CFAP70: variants seen among roughly 807,000 people sequenced by gnomAD.
CFAP70 encodes the protein cilia and flagella associated protein 70.
A neutral mutation model predicts 137.6 loss-of-function variants in CFAP70; 81 were observed. The observed-to-expected ratio is 0.59, with a 90% CI of 0.49 to 0.71. The LOEUF (loss-of-function observed/expected upper bound fraction) is 0.71. Ranked by LOEUF, CFAP70 falls within the 30% of genes least tolerant of loss-of-function variation. The probability of loss-of-function intolerance (pLI) is 0.00; values close to 1 mark genes in which losing one functional copy is unlikely to be tolerated. For synonymous variants in CFAP70, 382 were observed against 423.6 expected, an observed-to-expected ratio of 0.90 and a Z score of 1.20; for missense variants, 976 against 1,226.7, an observed-to-expected ratio of 0.80 and a Z score of 3.05.
chr10:73,256,236 A>G, intron 26 of CFAP70, 133 bp downstream of exon 27: 1 of 980,876 alleles, frequency 1.0e-6, no homozygotes, highest in Non-Finnish European at 1.5e-6. Flanking sequence ...CCCCACGATA[A>G]TGGCAAAGAT....
At chr10:73,277,292 G>A (rs754396063) in exon 21 of CFAP70, 2 of 1,614,056 alleles carry the variant, frequency 1.2e-6, no homozygotes, top group Admixed American at 1.7e-5. Flanking sequence ...GAAGATGGTG[G>A]TAGTTTGAGA....
In CFAP70 at chr10:73,264,519, T is replaced by C. The variant is rs79851665; in HGVS notation, c.3027+5095A>G. Among the ~76,000 whole-genome samples, 17 of 152,358 alleles carry C rather than the reference T, an allele frequency of 1.1e-4. No individual in the cohort carries two copies. In the East Asian group the frequency reaches 1.9e-3, roughly 17 times the overall value. ...TCTATCCTTCTTGTTTCCACATTTG[T>C]AACTTCCTTTGAAGCACAGTGAAAA... On this transcript the variant is annotated intron_variant, in intron 25 of 26. Coordinates refer to ENST00000310715, the Ensembl canonical transcript of CFAP70.
chr10:73,333,895 C>T (rs1350847165), intron 7 of CFAP70, among the ~76,000 whole-genome samples: 2 of 152,032 alleles, frequency 1.3e-5, no homozygotes, highest in Admixed American at 6.6e-5. Context: ...ACTATTTGTT[C>T]AAGGTAATAA....
At chr10:73,321,359 A>G (rs1393599242) in intron 9 of CFAP70, among the ~76,000 whole-genome samples, 1 of 152,228 alleles carries the variant, frequency 6.6e-6, no homozygotes, top group Non-Finnish European at 1.5e-5. Flanking sequence ...AAGAGGTTGC[A>G]GTAAGCCGAG....
At chr10:73,282,826 CTTTTT>C (rs1203127459) in intron 19 of CFAP70, among the ~76,000 whole-genome samples, 1 of 90,928 alleles carries the variant, frequency 1.1e-5, no homozygotes, top group East Asian at 3.7e-4. Context: ...TTCCTGTTAT[CTTTTT>C]TTTTTTTTTT....
At chr10:73,348,608 T>C (rs945461033) in intron 3 of CFAP70, 87 bp from the exon 4 acceptor site, 21 of 865,044 alleles carry the variant, frequency 2.4e-5, no homozygotes, top group Non-Finnish European at 1.9e-5. Context: ...TTGTCAAAGA[T>C]ATGTAAGTTA....
chr10:73,330,323 G>C (rs1439603481), intron 8 of CFAP70, among the ~76,000 whole-genome samples: 2 of 151,710 alleles, frequency 1.3e-5, no homozygotes, highest in Non-Finnish European at 2.9e-5. Context: ...GGTGGTGTGT[G>C]CCTATAATCC....
intron 12 of CFAP70, among the ~76,000 whole-genome samples, chr10:73,302,725 C>A (rs2049044020): frequency 6.6e-6 from 1 of 152,072 alleles, no homozygotes; most frequent in Non-Finnish European, 1.5e-5. Flanking sequence ...AGTTTAGTTT[C>A]TTTTCATATG....
At chr10:73,361,243 C>T (rs1275218642), upstream of CFAP70, among the ~76,000 whole-genome samples, 1 of 151,514 alleles carries the variant, frequency 6.6e-6, no homozygotes, top group Non-Finnish European at 1.5e-5. Flanking sequence ...ATCCACCTGT[C>T]TCAGCCGCCT....
intron 9 of CFAP70, among the ~76,000 whole-genome samples, chr10:73,318,379 A>G (rs1273834432): frequency 6.6e-6 from 1 of 152,164 alleles, no homozygotes; most frequent in African/African-American, 2.4e-5. Context: ...AAAAAATGTT[A>G]TCATATTTAT....
Position 73,335,789 on chromosome 10 carries a change from C to T in CFAP70, c.583-265G>A, listed in dbSNP as rs76279204. Among the ~76,000 whole-genome samples, 20 of 150,894 alleles carry T rather than the reference C, an allele frequency of 1.3e-4. 1 individual carries two copies. In the East Asian group the frequency reaches 3.9e-3, roughly 29 times the overall value. On this transcript the variant is annotated intron_variant, in intron 6 of 26. Transcript: ENST00000310715. ...CCAAATACTGACTAACAACCTCAAT[C>T]AATGATTCTCAACTCTAGATGCATA...
intron 3 of CFAP70, 144 bp downstream of exon 3, chr10:73,353,412 G>C: frequency 1.3e-6 from 1 of 754,018 alleles, no homozygotes; most frequent in Non-Finnish European, 2.1e-6. Flanking sequence ...TTCCTGCCTT[G>C]CTTCTGGGAA....
intron 24 of CFAP70, chr10:73,272,721 C>A: frequency 1.5e-6 from 1 of 650,216 alleles, no homozygotes; most frequent in East Asian, 2.8e-5. Context: ...TCAGGTTTTT[C>A]TGGGATTTTT....
At chr10:73,298,556 T>C (rs2048708170) in intron 14 of CFAP70, among the ~76,000 whole-genome samples, 1 of 152,190 alleles carries the variant, frequency 6.6e-6, no homozygotes, top group Admixed American at 6.5e-5. Context: ...CTAAAATTAA[T>C]TCTTTTAGAG....
At chr10:73,291,249 G>A in exon 19 of CFAP70, 1 of 1,614,102 alleles carries the variant, frequency 6.2e-7, no homozygotes, top group Non-Finnish European at 8.5e-7. Context: ...CACCTTGATT[G>A]CTGTTGCAGA....
rs1214857781 is a variant in CFAP70 at position 73,344,450 on chromosome 10, A to C, written c.399+615T>G. Reference sequence around the variant, plus strand: ...TGGGCTGTTCCCCGGAAGGGTGATCAGCCATCTCATTTGCCTAGGACTGTC... The same window carrying C: ...TGGGCTGTTCCCCGGAAGGGTGATCCGCCATCTCATTTGCCTAGGACTGTC... On this transcript the variant is annotated intron_variant, in intron 5 of 26. Transcript: ENST00000310715. Among the ~76,000 whole-genome samples the C allele has an allele frequency of 3.3e-5, 5 of 152,360 alleles. No homozygotes were observed. In the East Asian group the frequency reaches 7.7e-4, roughly 23 times the overall value.
chr10:73,318,385 T>A (rs931123037), intron 9 of CFAP70, among the ~76,000 whole-genome samples: 6 of 152,188 alleles, frequency 3.9e-5, no homozygotes, highest in African/African-American at 1.4e-4. Flanking sequence ...TGTTATCATA[T>A]TTATATTTTG....
intron 19 of CFAP70, among the ~76,000 whole-genome samples, chr10:73,285,256 G>T (rs1293414968): frequency 6.6e-6 from 1 of 152,126 alleles, no homozygotes; most frequent in African/African-American, 2.4e-5. Flanking sequence ...AGAAGATGGA[G>T]ACTTCCAGTT....
In CFAP70 at chr10:73,275,708, A is replaced by T; in HGVS notation, c.2521-110T>A. On this transcript the variant is annotated intron_variant, in intron 21 of 26. Transcript: ENST00000310715. This position sits in a 1 kb window ranked among gnomAD's most constrained non-coding sequence, Gnocchi z 4.0. ...ATAATACGAAATGTATTACAGAATGAAATAATTATCCTCAACTTCAAAAGG... is the reference window on the plus strand; with the variant it reads ...ATAATACGAAATGTATTACAGAATGTAATAATTATCCTCAACTTCAAAAGG... The T allele has an allele frequency of 1.0e-6, 1 of 983,292 alleles. No homozygotes were observed. Among genetic ancestry groups the T allele is most frequent in the Non-Finnish European group, 1.4e-6 (1 of 708,324 alleles). The allele number at this position is 983,292 out of a possible 1,614,324, so 60.9% of individuals were successfully genotyped here. A position where few individuals can be genotyped will look rare whatever the true frequency, so the allele number is the denominator to read the frequency against.
Sources: gnomAD v4.1 joint callset for allele counts (sites outside exome capture counted in the v4.1 genomes callset) on GRCh38, gnomAD v4.1.1 for gene constraint, Gnocchi (gnomAD v3.1) non-coding constraint, MANE v1.5 for transcripts, NCBI Gene and HGNC (gene_info 2026-07-23, HGNC 2026-07-21) for gene names.